PPP1R14C: variants seen among roughly 807,000 people sequenced by gnomAD.
The protein encoded by PPP1R14C is protein phosphatase 1 regulatory inhibitor subunit 14C.
PPP1R14C carries 16 observed loss-of-function variants against 20.4 expected under a neutral mutation model. The ratio of observed to expected loss-of-function variants is 0.78; its 90% CI spans 0.53 to 1.19. The LOEUF is 1.19. Among genes scored for constraint, PPP1R14C ranks in the 50% most tolerant of loss-of-function variants. PPP1R14C has a pLI of 0.00. For synonymous variants in PPP1R14C, 91 were observed against 91.0 expected (o/e 1.00, Z 0.00); for missense variants, 211 against 220.1 (o/e 0.96, Z 0.26).
chr6:150,229,118 A>G (rs1167098587), intron 3 of PPP1R14C, among the ~76,000 whole-genome samples: 1 of 152,200 alleles, frequency 6.6e-6, no homozygotes, highest in African/African-American at 2.4e-5. Context: ...GAAAGAATAT[A>G]AAATAAAGAC....
chr6:150,174,432 G>A (rs573467866), intron 1 of PPP1R14C, among the ~76,000 whole-genome samples: 6 of 151,882 alleles, frequency 4.0e-5, no homozygotes, highest in South Asian at 4.2e-4. Flanking sequence ...TAGCCAGGAT[G>A]GTCTCGATCT....
intron 1 of PPP1R14C, among the ~76,000 whole-genome samples, chr6:150,170,529 A>G (rs954726154): frequency 1.3e-5 from 2 of 152,130 alleles, no homozygotes; most frequent in East Asian, 1.9e-4. Context: ...TCAATGTGTT[A>G]GCCAGGATGG....
intron 3 of PPP1R14C, among the ~76,000 whole-genome samples, chr6:150,241,775 T>C (rs1217000600): frequency 6.6e-6 from 1 of 152,148 alleles, no homozygotes; most frequent in Non-Finnish European, 1.5e-5. Context: ...TAATCCCAGC[T>C]ACTTAGGAAG....
chr6:150,150,960 T>G (rs1777239550), intron 1 of PPP1R14C, among the ~76,000 whole-genome samples: 1 of 152,048 alleles, frequency 6.6e-6, no homozygotes, highest in Non-Finnish European at 1.5e-5. Flanking sequence ...CCTTTCTGGG[T>G]TTTTCCTCTT....
At chr6:150,173,438 A>G (rs750023692) in intron 1 of PPP1R14C, among the ~76,000 whole-genome samples, 4 of 150,588 alleles carry the variant, frequency 2.7e-5, no homozygotes, top group Non-Finnish European at 5.9e-5. Context: ...AGATTCTCCC[A>G]CCTTGCTGTA....
chr6:150,236,406 C>T (rs1778360806), intron 3 of PPP1R14C, among the ~76,000 whole-genome samples: 1 of 152,132 alleles, frequency 6.6e-6, no homozygotes, highest in South Asian at 2.1e-4. Context: ...TAAAAAGGTC[C>T]ATGCGGTGCA....
At position 150,248,842 on chromosome 6, in the gene PPP1R14C, T is replaced by C. The variant is rs1375082774; in HGVS notation, c.*22T>C. The C allele has an allele frequency of 6.5e-7, 1 of 1,547,386 alleles. No individual in the cohort carries two copies. The highest frequency in any genetic ancestry group is 1.7e-5 in the Admixed American group (1 of 59,192). On this transcript the variant is annotated 3_prime_UTR_variant, in exon 4 of 4. Coordinates refer to ENST00000361131, the MANE Select transcript of PPP1R14C (RefSeq NM_030949.3). ...ATGATTCTGGAACAGGGTGAAACTC[T>C]CCCAGAGACGAAGAAAGAGTCCTGG...
At chr6:150,233,874 A>G (rs1286907932) in intron 3 of PPP1R14C, among the ~76,000 whole-genome samples, 1 of 152,218 alleles carries the variant, frequency 6.6e-6, no homozygotes, top group Non-Finnish European at 1.5e-5. Flanking sequence ...CCAGCCCTGC[A>G]AAGGAAGGCA....
intron 3 of PPP1R14C, among the ~76,000 whole-genome samples, chr6:150,244,680 T>A (rs1022089903): frequency 1.3e-5 from 2 of 152,228 alleles, no homozygotes; most frequent in South Asian, 4.2e-4. Context: ...TTTATTTTAT[T>A]TAATTTCAAT....
At chr6:150,145,421 A>G (rs923917446) in intron 1 of PPP1R14C, among the ~76,000 whole-genome samples, 5 of 152,132 alleles carry the variant, frequency 3.3e-5, no homozygotes, top group African/African-American at 1.2e-4. Flanking sequence ...ATTTTTCTTC[A>G]AGTTGTTTGT....
At chr6:150,180,871 A>G (rs1777613687) in intron 1 of PPP1R14C, among the ~76,000 whole-genome samples, 1 of 152,184 alleles carries the variant, frequency 6.6e-6, no homozygotes, top group African/African-American at 2.4e-5. Context: ...CAGGGGCTCT[A>G]GACAAAATAA....
At chr6:150,219,680 A>T (rs1282927794) in intron 3 of PPP1R14C, among the ~76,000 whole-genome samples, 1 of 151,968 alleles carries the variant, frequency 6.6e-6, no homozygotes, top group East Asian at 1.9e-4. Context: ...CAATCTGGAG[A>T]AGTTTTTCTT....
At chr6:150,203,501 C>T (rs546883469) in intron 1 of PPP1R14C, among the ~76,000 whole-genome samples, 11 of 152,304 alleles carry the variant, frequency 7.2e-5, no homozygotes, top group South Asian at 2.1e-4. Context: ...GCGGCTTTTC[C>T]GTATCATCTT....
intron 1 of PPP1R14C, among the ~76,000 whole-genome samples, chr6:150,158,944 T>C (rs1407142617): frequency 1.3e-5 from 2 of 152,224 alleles, no homozygotes; most frequent in African/African-American, 4.8e-5. Flanking sequence ...CATAACACTT[T>C]GGATAGAACA....
chr6:150,228,164 A>G (rs917477346), intron 3 of PPP1R14C, among the ~76,000 whole-genome samples: 3 of 152,228 alleles, frequency 2.0e-5, no homozygotes, highest in African/African-American at 7.2e-5. Context: ...ATGTTAGGTA[A>G]GCTTGCTGAA....
chr6:150,181,171 G>A (rs1424932825), intron 1 of PPP1R14C, among the ~76,000 whole-genome samples: 1 of 152,130 alleles, frequency 6.6e-6, no homozygotes, highest in African/African-American at 2.4e-5. Context: ...GGCATTCTAT[G>A]AGGTGTTCTT....
intron 1 of PPP1R14C, among the ~76,000 whole-genome samples, chr6:150,168,373 A>G (rs1777457220): frequency 6.6e-6 from 1 of 151,868 alleles, no homozygotes; most frequent in African/African-American, 2.4e-5. Flanking sequence ...CGTCTCTACT[A>G]AAAATACAGA....
At position 150,248,908 on chromosome 6, in the gene PPP1R14C, C is replaced by T. The variant is rs1343628208; in HGVS notation, c.*88C>T. ...AAGACTTTTGTGAAAGAATAGGTGT[C>T]CTTATGAACAACGTTTTTGTTTTTT... On this transcript the variant is annotated 3_prime_UTR_variant, in exon 4 of 4. Coordinates refer to ENST00000361131, the MANE Select transcript of PPP1R14C (RefSeq NM_030949.3). The T allele has an allele frequency of 8.2e-6, 6 of 729,568 alleles. No homozygotes were observed. Among genetic ancestry groups the T allele is most frequent in the East Asian group, 5.5e-5 (2 of 36,250 alleles). The allele number at this position is 729,568 out of a possible 1,614,324, so 45.2% of individuals were successfully genotyped here.
At position 150,249,827 on chromosome 6, in the gene PPP1R14C, G is replaced by GAGTGTTA. The variant is rs1778542849; in HGVS notation, c.*1013_*1019dup. On this transcript the variant is annotated 3_prime_UTR_variant, in exon 4 of 4. Transcript: ENST00000361131. ...AGTATCAGACCAGTGGGAGTAAACCGAGTGTTAAGTGTCAAGGTGAGAAAG... is the reference window on the plus strand; with the variant it reads ...AGTATCAGACCAGTGGGAGTAAACCGAGTGTTAAGTGTTAAGTGTCAAGGTGAGAAAG... 3.1e-6 allele frequency: 1 copy of GAGTGTTA among 319,062 alleles called. No individual in the cohort carries two copies. The highest frequency in any genetic ancestry group is 2.1e-5 in the African/African-American group (1 of 46,990). The allele number at this position is 319,062 out of a possible 1,614,324, so 19.8% of individuals were successfully genotyped here. A position where few individuals can be genotyped will look rare whatever the true frequency, so the allele number is the denominator to read the frequency against.
Sources: allele counts gnomAD v4.1 joint callset (sites outside exome capture counted in the v4.1 genomes callset), GRCh38; gene constraint gnomAD v4.1.1; transcripts MANE v1.5; gene names NCBI Gene and HGNC (gene_info 2026-07-23, HGNC 2026-07-21).